DCC: variants seen among roughly 807,000 people sequenced by gnomAD.
DCC encodes DCC netrin 1 receptor, also known as netrin receptor DCC.
A neutral mutation model predicts 172.5 loss-of-function variants in DCC; 58 were observed. That is an observed-to-expected ratio of 0.34 (90% CI 0.27 to 0.42). The LOEUF (loss-of-function observed/expected upper bound fraction) is 0.42, where lower values mean the gene tolerates loss of function less well. DCC is among the 10% of genes least tolerant of loss of function. The pLI, the probability that DCC is intolerant of heterozygous loss-of-function variation, is 1.00. For missense variants in DCC, 1,740 were observed against 1,791.0 expected (o/e 0.97, Z 0.51); for synonymous variants, 709 against 644.5 (o/e 1.10, Z -1.52).
chr18:52,729,444 G>T (rs2036601391), intron 1 of DCC, among the ~76,000 whole-genome samples: 1 of 152,102 alleles, frequency 6.6e-6, no homozygotes, highest in African/African-American at 2.4e-5. Flanking sequence ...ATTTTTGGTA[G>T]AGATGGGGTT....
intron 1 of DCC, among the ~76,000 whole-genome samples, chr18:52,703,955 G>A (rs1264573156): frequency 6.6e-6 from 1 of 152,058 alleles, no homozygotes; most frequent in East Asian, 1.9e-4. Flanking sequence ...ACTTCCTAAT[G>A]CAAACTTGAA....
intron 27 of DCC, among the ~76,000 whole-genome samples, chr18:53,517,873 G>A (rs1355672267): frequency 2.6e-5 from 4 of 152,018 alleles, no homozygotes; most frequent in Non-Finnish European, 4.4e-5. Flanking sequence ...TTTGAAATTC[G>A]ATCACTTATG....
At chr18:52,444,136 G>A (rs1568173151) in intron 1 of DCC, among the ~76,000 whole-genome samples, 1 of 152,196 alleles carries the variant, frequency 6.6e-6, no homozygotes, top group Non-Finnish European at 1.5e-5. Flanking sequence ...AGCCTAGAAA[G>A]GCTGTGGAAT....
chr18:52,770,812 A>G (rs1184863461), intron 2 of DCC, among the ~76,000 whole-genome samples: 1 of 152,216 alleles, frequency 6.6e-6, no homozygotes, highest in Admixed American at 6.5e-5. Flanking sequence ...AGAAAAGATA[A>G]AAGTCTGCAT....
intron 1 of DCC, among the ~76,000 whole-genome samples, chr18:52,446,416 C>A (rs141718772): frequency 6.6e-6 from 1 of 152,176 alleles, no homozygotes; most frequent in Non-Finnish European, 1.5e-5. Context: ...AGAAGTATCG[C>A]CATCTTTCTT....
chr18:53,427,778 G>A (rs920294740), intron 21 of DCC, among the ~76,000 whole-genome samples: 4 of 139,208 alleles, frequency 2.9e-5, no homozygotes, highest in Non-Finnish European at 6.1e-5. Context: ...AGAATTCAGA[G>A]GAGTAACCAA....
chr18:52,840,163 T>G (rs975554811), intron 2 of DCC, among the ~76,000 whole-genome samples: 2 of 152,198 alleles, frequency 1.3e-5, no homozygotes, highest in African/African-American at 4.8e-5. Context: ...GGGTAACTTC[T>G]TATTGGTCAC....
chr18:52,657,992 G>T (rs900836468), intron 1 of DCC, among the ~76,000 whole-genome samples: 1 of 152,126 alleles, frequency 6.6e-6, no homozygotes, highest in Non-Finnish European at 1.5e-5. Context: ...TTGCCTGGAG[G>T]AGTTTCTGGT....
At chr18:52,990,205 A>G (rs1336301371) in intron 5 of DCC, among the ~76,000 whole-genome samples, 1 of 152,134 alleles carries the variant, frequency 6.6e-6, no homozygotes, top group Non-Finnish European at 1.5e-5. Flanking sequence ...TCAATACTAG[A>G]TTATTCTCTT....
intron 1 of DCC, among the ~76,000 whole-genome samples, chr18:52,350,855 C>T (rs1040413786): frequency 2.0e-5 from 3 of 152,054 alleles, no homozygotes; most frequent in Admixed American, 6.6e-5. Flanking sequence ...GATCTGGTGG[C>T]CTGTTGCTGT....
chr18:52,622,070 TAAAA>T (rs1568260466), intron 1 of DCC, among the ~76,000 whole-genome samples: 1 of 152,242 alleles, frequency 6.6e-6, no homozygotes, highest in East Asian at 1.9e-4. Flanking sequence ...TCATCGAACA[TAAAA>T]GAAAGAGGTC....
At chr18:52,769,542 G>A (rs2037306556) in intron 2 of DCC, among the ~76,000 whole-genome samples, 1 of 152,036 alleles carries the variant, frequency 6.6e-6, no homozygotes, top group Non-Finnish European at 1.5e-5. Context: ...TTCTCTTGAT[G>A]GCATCCTTCA....
intron 7 of DCC, among the ~76,000 whole-genome samples, chr18:53,121,659 C>CT (rs1459696355): frequency 2.0e-5 from 3 of 151,854 alleles, no homozygotes; most frequent in Admixed American, 6.6e-5. Flanking sequence ...ATATTTAACT[C>CT]TTTTTTCAAA....
At chr18:53,400,422 C>T (rs186575000) in intron 18 of DCC, among the ~76,000 whole-genome samples, 1 of 152,134 alleles carries the variant, frequency 6.6e-6, no homozygotes, top group East Asian at 1.9e-4. Flanking sequence ...GAATATAAAT[C>T]CTAGAGGTCC....
At chr18:52,544,334 C>T (rs138053129) in intron 1 of DCC, among the ~76,000 whole-genome samples, 64 of 152,254 alleles carry the variant, frequency 4.2e-4, no homozygotes, top group African/African-American at 1.4e-3. Flanking sequence ...TAAATTGAAG[C>T]ACTGAATATT....
rs77584285 is a variant in DCC, at chr18:53,052,872, C to T, written c.986-10433C>T. On this transcript the variant is annotated intron_variant, in intron 5 of 28. Transcript: ENST00000442544. ...CAATCAGAAAAGGAAATGCCAGGCA[C>T]GATGGCTCATGCCTAATCCCAGCAC... Among the ~76,000 whole-genome samples the T allele has an allele frequency of 8.1e-3, 1,228 of 152,108 alleles. 42 individuals carry two copies. The highest frequency in any genetic ancestry group is 0.058 in the Admixed American group (891 of 15,248).
chr18:52,473,356 T>G (rs1400294233), intron 1 of DCC, among the ~76,000 whole-genome samples: 5 of 152,232 alleles, frequency 3.3e-5, no homozygotes, highest in African/African-American at 9.6e-5. Flanking sequence ...CACTGGTCTC[T>G]CAAGTCAATT....
intron 5 of DCC, among the ~76,000 whole-genome samples, chr18:53,047,343 T>G (rs528856076): frequency 4.5e-4 from 52 of 114,908 alleles, no homozygotes; most frequent in African/African-American, 1.6e-3. Context: ...TATATAATAA[T>G]ATGAAATACA....
chr18:53,369,883 CATAA>C (rs2144954275), intron 15 of DCC, among the ~76,000 whole-genome samples: 1 of 151,862 alleles, frequency 6.6e-6, no homozygotes, highest in South Asian at 2.1e-4. Flanking sequence ...TGGATTTTGG[CATAA>C]ATATTTATAG....
Sources: gnomAD v4.1 joint callset for allele counts (sites outside exome capture counted in the v4.1 genomes callset) on GRCh38, gnomAD v4.1.1 for gene constraint, MANE v1.5 for transcripts, NCBI Gene and HGNC (gene_info 2026-07-23, HGNC 2026-07-21) for gene names.